Variants in PRKN observed in about 807,000 individuals in gnomAD.
PRKN encodes E3 ubiquitin-protein ligase parkin.
In PRKN, 56 loss-of-function variants were observed where a neutral mutation model predicts 59.5. The ratio of observed to expected loss-of-function variants is 0.94; its 90% CI spans 0.76 to 1.18. The LOEUF (loss-of-function observed/expected upper bound fraction) is 1.18, where lower values mean the gene tolerates loss of function less well. Ranked by LOEUF, PRKN falls within the 50% of genes most tolerant of loss-of-function variation. The pLI, the probability that PRKN is intolerant of heterozygous loss-of-function variation, is 0.00. For synonymous variants in PRKN, 250 were observed against 222.1 expected (o/e 1.13, Z -1.12); for missense variants, 657 against 596.4 (o/e 1.10, Z -1.06).
chr6:161,889,961 A>G (rs2128231785), intron 6 of PRKN, among the ~76,000 whole-genome samples: 1 of 152,300 alleles, frequency 6.6e-6, no homozygotes, highest in East Asian at 1.9e-4. Context: ...AGCCCCATAC[A>G]TTTAGTAATC....
intron 1 of PRKN, among the ~76,000 whole-genome samples, chr6:162,661,987 C>G (rs1778902974): frequency 6.6e-6 from 1 of 152,100 alleles, no homozygotes; most frequent in South Asian, 2.1e-4. Flanking sequence ...TTTTGTATTC[C>G]CTAATATCTA....
intron 2 of PRKN, among the ~76,000 whole-genome samples, chr6:162,283,901 T>C (rs1781044150): frequency 6.6e-6 from 1 of 152,196 alleles, no homozygotes; most frequent in Admixed American, 6.5e-5. Flanking sequence ...CACTAGCGTG[T>C]TCTCCAGATT....
At chr6:162,053,597 C>A (rs771350860) in intron 5 of PRKN, among the ~76,000 whole-genome samples, 1 of 151,984 alleles carries the variant, frequency 6.6e-6, no homozygotes, top group Non-Finnish European at 1.5e-5. Flanking sequence ...TCAATTACAT[C>A]GCCGGCCACC....
At chr6:161,408,177 G>A (rs16892499) in intron 9 of PRKN, among the ~76,000 whole-genome samples, 5,150 of 152,056 alleles carry the variant, frequency 0.034, 95 homozygotes, top group African/African-American at 0.043. Context: ...GGAAAAATTC[G>A]GCCGTGGGAA....
chr6:161,681,518 A>G (rs1423408024), intron 7 of PRKN, among the ~76,000 whole-genome samples: 1 of 151,724 alleles, frequency 6.6e-6, no homozygotes, highest in Non-Finnish European at 1.5e-5. Context: ...TTCAATGGTT[A>G]CAAGTAACAA....
At chr6:162,625,698 A>G (rs780289800) in intron 1 of PRKN, among the ~76,000 whole-genome samples, 11 of 151,232 alleles carry the variant, frequency 7.3e-5, no homozygotes, top group East Asian at 5.9e-4. Flanking sequence ...ATGTATATAT[A>G]TGTGTGTGTG....
intron 2 of PRKN, among the ~76,000 whole-genome samples, chr6:162,367,048 G>A (rs748225862): frequency 8.5e-5 from 13 of 152,200 alleles, no homozygotes; most frequent in Admixed American, 3.3e-4. Context: ...CATGTGTTAC[G>A]GGAGGGACCC....
intron 7 of PRKN, among the ~76,000 whole-genome samples, chr6:161,773,956 G>A (rs144178167): frequency 4.6e-5 from 7 of 152,208 alleles, no homozygotes; most frequent in African/African-American, 7.2e-5. Context: ...TGTTTCAAAC[G>A]GACGGACGGA....
chr6:161,815,326 AC>A (rs1159071828), intron 6 of PRKN, among the ~76,000 whole-genome samples: 1 of 152,226 alleles, frequency 6.6e-6, no homozygotes, highest in East Asian at 1.9e-4. Flanking sequence ...TTATCTAAAA[AC>A]ATTCAGGTAT....
intron 6 of PRKN, among the ~76,000 whole-genome samples, chr6:161,940,058 G>A (rs780399539): frequency 9.9e-5 from 15 of 151,912 alleles, no homozygotes; most frequent in Non-Finnish European, 1.8e-4. Context: ...CACCATGCCC[G>A]GCTAATTTTG....
At chr6:161,965,420 G>A (rs61413123) in intron 6 of PRKN, among the ~76,000 whole-genome samples, 15 of 151,890 alleles carry the variant, frequency 9.9e-5, no homozygotes, top group Non-Finnish European at 1.9e-4. Flanking sequence ...TAAGCAAATC[G>A]GGCTATTTTT....
chr6:161,652,466 A>G (rs1784184842), intron 7 of PRKN, among the ~76,000 whole-genome samples: 1 of 152,238 alleles, frequency 6.6e-6, no homozygotes, highest in African/African-American at 2.4e-5. Context: ...TATTTATATA[A>G]GAAAATCTTT....
At chr6:162,232,751 A>C (rs1296911191) in intron 3 of PRKN, among the ~76,000 whole-genome samples, 1 of 152,156 alleles carries the variant, frequency 6.6e-6, no homozygotes, top group Non-Finnish European at 1.5e-5. Context: ...TAATCAAGTA[A>C]GAAAAAAAAT....
intron 10 of PRKN, among the ~76,000 whole-genome samples, chr6:161,368,383 ATATATATATATAT>A (rs1785307067): frequency 2.2e-5 from 1 of 45,822 alleles, no homozygotes; most frequent in Non-Finnish European, 4.5e-5. Flanking sequence ...CTCAGTCTTG[ATATATATATATAT>A]ATATATATAT....
At chr6:161,676,763 G>A (rs1313808964) in intron 7 of PRKN, among the ~76,000 whole-genome samples, 1 of 152,164 alleles carries the variant, frequency 6.6e-6, no homozygotes, top group Non-Finnish European at 1.5e-5. Flanking sequence ...CAGCAATCTG[G>A]TTTCATGTAG....
At chr6:162,103,396 G>A (rs565786826) in intron 4 of PRKN, among the ~76,000 whole-genome samples, 5 of 152,154 alleles carry the variant, frequency 3.3e-5, no homozygotes, top group African/African-American at 1.2e-4. Flanking sequence ...CCCCATCAAT[G>A]TAATTTAAAA....
intron 9 of PRKN, among the ~76,000 whole-genome samples, chr6:161,425,038 T>C (rs922908297): frequency 2.7e-4 from 41 of 152,190 alleles, no homozygotes; most frequent in African/African-American, 9.7e-4. Context: ...AGGTGTCTTC[T>C]GTTTCTGTGA....
At chr6:161,790,297 G>T (rs747354076) in intron 6 of PRKN, among the ~76,000 whole-genome samples, 2 of 152,200 alleles carry the variant, frequency 1.3e-5, no homozygotes, top group Non-Finnish European at 2.9e-5. Context: ...TGATCAAAAA[G>T]ATGTATCAGG....
chr6:162,099,613 A>G (rs1023591737), intron 4 of PRKN, among the ~76,000 whole-genome samples: 4 of 152,198 alleles, frequency 2.6e-5, no homozygotes, highest in African/African-American at 9.6e-5. Context: ...AAACAACCTC[A>G]AACTTAGCAT....
Sources: gnomAD v4.1 joint callset for allele counts (sites outside exome capture counted in the v4.1 genomes callset) on GRCh38, gnomAD v4.1.1 for gene constraint, MANE v1.5 for transcripts, NCBI Gene and HGNC (gene_info 2026-07-23, HGNC 2026-07-21) for gene names.